DDX60: variants seen among roughly 807,000 people sequenced by gnomAD.
The protein encoded by DDX60 is DExD/H-box helicase 60.
Under a neutral mutation model 212.8 loss-of-function variants are expected in DDX60, and 165 were observed. The ratio of observed to expected loss-of-function variants is 0.78; its 90% confidence interval spans 0.68 to 0.88. The LOEUF is 0.88. Ranked by LOEUF, DDX60 falls within the 40% of genes least tolerant of loss-of-function variation. DDX60 has a pLI of 0.00. For missense variants in DDX60, 1,905 were observed against 2,003.9 expected, an observed-to-expected ratio of 0.95 and a Z score of 0.94; for synonymous variants, 703 against 685.3, an observed-to-expected ratio of 1.03 and a Z score of -0.40.
At position 168,247,911 on chromosome 4, in the gene DDX60, C is replaced by A. The variant is rs563736286; in HGVS notation, c.3963+277G>T. Among the ~76,000 whole-genome samples, 6 of 152,234 alleles carry A rather than the reference C, an allele frequency of 3.9e-5. No homozygotes were observed. In the South Asian group the frequency reaches 1.2e-3, roughly 32 times the overall value. ...TCACTTATTTAATTCTTGCAAATGC[C>A]GTGGGAGAGTAATTATTACCCATAT... is the stretch of plus-strand genomic sequence containing the variant. On this transcript the variant is annotated intron_variant, in intron 29 of 37. Transcript: ENST00000393743.
At chr4:168,297,378 GAAAGAGAAAGAAAGAAAGAAAGAAA>G (rs1560870658) in intron 6 of DDX60, among the ~76,000 whole-genome samples, 43 of 53,886 alleles carry the variant, frequency 8.0e-4, no homozygotes, top group African/African-American at 5.3e-3. Flanking sequence ...AAGAAAGAAA[GAAAGAGAAAGAAAGAAAGAAAGAAA>G]GACAATAAAT....
At chr4:168,261,084 T>C in intron 24 of DDX60, 95 bp from the exon 25 acceptor site, 2 of 1,366,118 alleles carry the variant, frequency 1.5e-6, no homozygotes, top group South Asian at 2.6e-5. Flanking sequence ...GTCTAATATA[T>C]GTTTTTGGGT....
intron 33 of DDX60, among the ~76,000 whole-genome samples, chr4:168,235,622 A>G (rs1207818458): frequency 6.6e-6 from 1 of 152,088 alleles, no homozygotes; most frequent in Non-Finnish European, 1.5e-5. Flanking sequence ...TTTGTTCCAT[A>G]GCAACTTTTC....
intron 13 of DDX60, among the ~76,000 whole-genome samples, chr4:168,281,403 T>C (rs966595125): frequency 5.3e-5 from 8 of 152,200 alleles, no homozygotes; most frequent in African/African-American, 1.4e-4. Context: ...TAAACTGTAG[T>C]TGTAATTTCA....
rs749926335 is a variant in DDX60 at position 168,311,079 on chromosome 4, A to G, written c.5-12T>C. 6.6e-7 allele frequency: 1 copy of G among 1,524,548 alleles called. No homozygotes were observed. Among genetic ancestry groups the G allele is most frequent in the Non-Finnish European group, 9.0e-7 (1 of 1,107,942 alleles). 94.4% of individuals were successfully genotyped at this position (1,524,548 alleles called of 1,614,324 possible). ...AAGAACATTTCTTTCTAAATTTAAA[A>G]AAAAAGAGAGAAAGAGAATGGGTTA... On this transcript the variant is annotated splice_polypyrimidine_tract_variant and intron_variant, in intron 2 of 37. Transcript: ENST00000393743.
Position 168,246,633 on chromosome 4 carries a change from G to T in DDX60, c.3964-15C>A. ...CGGCCAGACATCTGAAAAGAGAATAGAATTACAATGTAAAACTTCCCTAAA... is the reference window on the plus strand; with the variant it reads ...CGGCCAGACATCTGAAAAGAGAATATAATTACAATGTAAAACTTCCCTAAA... On this transcript the variant is annotated splice_polypyrimidine_tract_variant and intron_variant, in intron 29 of 37. Transcript: ENST00000393743. 1 of 1,613,226 alleles carries T rather than the reference G, an allele frequency of 6.2e-7. No homozygotes were observed. The highest frequency in any genetic ancestry group is 8.5e-7 in the Non-Finnish European group (1 of 1,179,526).
chr4:168,259,923 T>C (rs590272), intron 25 of DDX60, among the ~76,000 whole-genome samples: 61,668 of 151,608 alleles, frequency 0.41, 13,977 homozygotes, highest in African/African-American at 0.63. Flanking sequence ...TGTGCATATA[T>C]ATTCAATTTG....
intron 8 of DDX60, among the ~76,000 whole-genome samples, chr4:168,288,846 T>C (rs911698165): frequency 1.3e-5 from 2 of 152,228 alleles, no homozygotes; most frequent in African/African-American, 4.8e-5. Context: ...CTTCTACGAT[T>C]TGCTTAGTTG....
At chr4:168,256,627 A>G (rs1734423644) in intron 25 of DDX60, among the ~76,000 whole-genome samples, 1 of 152,178 alleles carries the variant, frequency 6.6e-6, no homozygotes, top group African/African-American at 2.4e-5. Flanking sequence ...AAAGGCAAAC[A>G]TTTCCTATGT....
chr4:168,321,662 A>C (rs1403328667), upstream of DDX60, among the ~76,000 whole-genome samples: 1 of 152,194 alleles, frequency 6.6e-6, no homozygotes, highest in East Asian at 1.9e-4. Context: ...TCTCACACAG[A>C]GTTTAAGCAG....
At chr4:168,288,129 T>C (rs981683383) in intron 9 of DDX60, 45 bp downstream of exon 9, 8 of 1,247,074 alleles carry the variant, frequency 6.4e-6, no homozygotes, top group Non-Finnish European at 8.7e-6. Context: ...CCTTATAAAG[T>C]TTATCTGTGG....
Position 168,263,490 on chromosome 4 carries a change from T to A in DDX60, c.3040-703A>T, listed in dbSNP as rs1230581663. ...ACTCTCTGAGATGTTAATAGGAATG[T>A]AGTATAGACTGAATGTTTGTCTTCC... On this transcript the variant is annotated intron_variant, in intron 22 of 37. Coordinates refer to ENST00000393743, the MANE Select transcript of DDX60 (RefSeq NM_017631.6). 3.9e-5 allele frequency: 6 copies of A among 152,230 alleles called. No individual in the cohort carries two copies. In the East Asian group the frequency reaches 1.2e-3, roughly 29 times the overall value. 9.4% of individuals were successfully genotyped at this position (152,230 alleles called of 1,614,324 possible).
At chr4:168,285,312 T>C in intron 11 of DDX60, 81 bp downstream of exon 11, 4 of 829,120 alleles carry the variant, frequency 4.8e-6, no homozygotes, top group Non-Finnish European at 7.9e-6. Context: ...ACTCTAATCG[T>C]CTGCATTTCA....
At chr4:168,314,136 G>A (rs996156963) in intron 1 of DDX60, among the ~76,000 whole-genome samples, 2 of 152,048 alleles carry the variant, frequency 1.3e-5, no homozygotes, top group African/African-American at 4.8e-5. Context: ...TACTAAAGTA[G>A]GCTTACACAC....
In DDX60 at chr4:168,251,094, C is replaced by T; in HGVS notation, c.3718G>A (p.Val1240Ile). Residue 1240 changes from valine to isoleucine, a missense_variant, in exon 28 of 38, where the codon GTA (valine) becomes ATA (isoleucine). By Grantham distance (29) the Val-to-Ile change is conservative. Transcript: ENST00000393743. Reference protein sequence around the residue: ...KAVDTETLQKVFGRVKFERKG... With the variant: ...KAVDTETLQKIFGRVKFERKG... ...CTTTCAAATTTTACTCGACCAAATA[C>T]CTTCTGCAAAGTCTAAAAGAAGCAA... The T allele has an allele frequency of 5.6e-6, 9 of 1,611,026 alleles. No individual in the cohort carries two copies. The highest frequency in any genetic ancestry group is 7.6e-6 in the Non-Finnish European group (9 of 1,179,360).
At chr4:168,293,658 A>G in intron 7 of DDX60, 129 bp downstream of exon 7, 1 of 846,676 alleles carries the variant, frequency 1.2e-6, no homozygotes, top group East Asian at 2.5e-5. Flanking sequence ...TTTCAGTTTT[A>G]TTTTCTGAAG....
chr4:168,235,261 C>T lies in DDX60; in HGVS notation c.4533+991G>A, dbSNP rs112804964. 6.5e-3 allele frequency among the ~76,000 whole-genome samples: 993 copies of T among 152,146 alleles called. 11 individuals carry two copies. Among genetic ancestry groups the T allele is most frequent in the African/African-American group, 0.023 (940 of 41,528 alleles). On this transcript the variant is annotated intron_variant, in intron 33 of 37. Transcript: ENST00000393743. Reference sequence around the variant, plus strand: ...GCTCAAGCAATCCTCCCACCTCTGCCTCCCAAAGTAGTGGGATTACAGGCT... The same window carrying T: ...GCTCAAGCAATCCTCCCACCTCTGCTTCCCAAAGTAGTGGGATTACAGGCT...
intron 6 of DDX60, among the ~76,000 whole-genome samples, chr4:168,298,682 A>C (rs1406728003): frequency 6.6e-6 from 1 of 152,168 alleles, no homozygotes; most frequent in African/African-American, 2.4e-5. Context: ...CTGGACAAAA[A>C]AATAAGTTAA....
chr4:168,250,628 C>T (rs184520060), intron 28 of DDX60, among the ~76,000 whole-genome samples: 21 of 150,926 alleles, frequency 1.4e-4, no homozygotes, highest in East Asian at 2.0e-4. Flanking sequence ...CGGGTTCAAG[C>T]GATTCTTCTG....
Sources: allele counts gnomAD v4.1 joint callset (sites outside exome capture counted in the v4.1 genomes callset), GRCh38; gene constraint gnomAD v4.1.1; transcripts MANE v1.5; gene names NCBI Gene and HGNC (gene_info 2026-07-23, HGNC 2026-07-21).